KIAA1143: variants seen among roughly 807,000 people sequenced by gnomAD.
The protein encoded by KIAA1143 is KIAA1143.
Under a neutral mutation model 17.0 loss-of-function variants are expected in KIAA1143, and 8 were observed. The observed-to-expected ratio is 0.47, with a 90% CI of 0.28 to 0.85. The LOEUF (loss-of-function observed/expected upper bound fraction) is 0.85, where lower values mean the gene tolerates loss of function less well. Ranked by LOEUF, KIAA1143 falls within the 40% of genes least tolerant of loss-of-function variation. KIAA1143 has a pLI of 0.12. For synonymous variants in KIAA1143, 64 were observed against 67.8 expected (o/e 0.94, Z 0.27); for missense variants, 162 against 183.3 (o/e 0.88, Z 0.67).
chr3:44,753,441 T>C lies in KIAA1143; in HGVS notation c.365A>G (p.Asn122Ser), dbSNP rs774226821. 1.2e-6 allele frequency: 2 copies of C among 1,602,530 alleles called. No homozygotes were observed. The highest frequency in any genetic ancestry group is 1.7e-5 in the Admixed American group (1 of 59,970). Residue 122 changes from asparagine to serine, a missense_variant, in exon 3 of 3, where the codon AAT (asparagine) becomes AGT (serine). Asn to Ser is a conservative substitution (Grantham distance 46). Coordinates refer to ENST00000296121, the MANE Select transcript of KIAA1143 (RefSeq NM_020696.4). ...LTASSKKKKP[N>S]EDEVNQDSVK... ...CGAGTCCTGATTTACTTCATCTTCA[T>C]TTGGCTTCTTCTTTTTTGAGCTTGC...
At chr3:44,756,064 G>C (rs1263654940) in intron 1 of KIAA1143, among the ~76,000 whole-genome samples, 3 of 152,198 alleles carry the variant, frequency 2.0e-5, no homozygotes, top group Non-Finnish European at 4.4e-5. Flanking sequence ...ACCACAAATA[G>C]GTAGTAAGTA....
In KIAA1143 at chr3:44,761,574, ACG is replaced by A. The variant is rs1189687802; in HGVS notation, c.27_28del (p.Val10AlafsTer26). On this transcript the variant is annotated frameshift_variant, in exon 1 of 3. Coordinates refer to ENST00000296121, the MANE Select transcript of KIAA1143 (RefSeq NM_020696.4). LOFTEE classifies it high-confidence loss of function. ...CAGAAACGCCGGCTCGGCTGGCCGCACGTACGATACCTGGTTCCGCTTGCTCA... is the reference window on the plus strand; with the variant it reads ...CAGAAACGCCGGCTCGGCTGGCCGCATACGATACCTGGTTCCGCTTGCTCA... The A allele has an allele frequency of 6.2e-7, 1 of 1,613,568 alleles. No homozygotes were observed. Among genetic ancestry groups the A allele is most frequent in the Admixed American group, 1.7e-5 (1 of 59,966 alleles).
rs1704905318 is a variant in KIAA1143, at chr3:44,752,554, A to G, written c.*787T>C. The G allele has an allele frequency of 6.6e-6, 1 of 152,082 alleles. No individual in the cohort carries two copies. The highest frequency in any genetic ancestry group is 2.4e-5 in the African/African-American group (1 of 41,414). 9.4% of individuals were successfully genotyped at this position (152,082 alleles called of 1,614,324 possible). The stretch of plus-strand genomic sequence containing the variant: ...TCTCACTACCAAGAAGTCAGAGGTC[A>G]GCAATCCAAGCTGGTGTAGCAGCTC... On this transcript the variant is annotated 3_prime_UTR_variant, in exon 3 of 3. Coordinates refer to ENST00000296121, the MANE Select transcript of KIAA1143 (RefSeq NM_020696.4).
At position 44,750,170 on chromosome 3, in the gene KIAA1143, TA is replaced by T. The variant is rs1233158651; in HGVS notation, c.*3170del. 6.6e-6 allele frequency: 1 copy of T among 152,202 alleles called. No individual in the cohort carries two copies. The highest frequency in any genetic ancestry group is 1.5e-5 in the Non-Finnish European group (1 of 68,038). 9.4% of individuals were successfully genotyped at this position (152,202 alleles called of 1,614,324 possible). The stretch of plus-strand genomic sequence containing the variant: ...ATAAATTACATAACTTACAAATTAG[TA>T]AGAAAGATATGACCATACTAATGGA... On this transcript the variant is annotated 3_prime_UTR_variant, in exon 3 of 3. Transcript: ENST00000296121.
chr3:44,760,732 C>T (rs1251710316), intron 1 of KIAA1143, among the ~76,000 whole-genome samples: 2 of 141,862 alleles, frequency 1.4e-5, no homozygotes, highest in African/African-American at 5.3e-5. Context: ...GTTGTCCAGG[C>T]TGGAGTGCAG....
chr3:44,756,336 A>C (rs1056371312), intron 1 of KIAA1143, among the ~76,000 whole-genome samples: 1 of 152,190 alleles, frequency 6.6e-6, no homozygotes, highest in Admixed American at 6.5e-5. Flanking sequence ...CTAGGCAGGC[A>C]GATCACTTGA....
At chr3:44,760,170 T>C (rs76528762) in intron 1 of KIAA1143, among the ~76,000 whole-genome samples, 179 of 152,314 alleles carry the variant, frequency 1.2e-3, no homozygotes, top group African/African-American at 4.0e-3. Flanking sequence ...TTGCTCTAGA[T>C]TAGGCTTTGG....
chr3:44,756,634 TG>T (rs1209872164), intron 1 of KIAA1143, among the ~76,000 whole-genome samples: 2 of 152,236 alleles, frequency 1.3e-5, no homozygotes, highest in Non-Finnish European at 2.9e-5. Context: ...CATTTCTTTT[TG>T]TTAATAGATG....
chr3:44,756,558 G>A (rs926899003), intron 1 of KIAA1143, among the ~76,000 whole-genome samples: 7 of 152,058 alleles, frequency 4.6e-5, no homozygotes, highest in Non-Finnish European at 8.8e-5. Flanking sequence ...GAAAGACTCC[G>A]CCTCAAAAAA....
chr3:44,760,137 C>T (rs1031765156), intron 1 of KIAA1143, among the ~76,000 whole-genome samples: 1 of 152,178 alleles, frequency 6.6e-6, no homozygotes, highest in Non-Finnish European at 1.5e-5. Context: ...TCTCAGACTT[C>T]ACAGGATTTA....
Position 44,761,572 on chromosome 3 carries a change from G to A in KIAA1143, c.31C>T (p.Arg11Trp), listed in dbSNP as rs768987702. ...GCCAGAAACGCCGGCTCGGCTGGCC[G>A]CACGTACGATACCTGGTTCCGCTTG... MSKRNQVSYV[R>W]PAEPAFLARF... Residue 11 changes from arginine (R) to tryptophan (W), a missense_variant, in exon 1 of 3, where the codon CGG (arginine) becomes TGG (tryptophan). By Grantham distance (101) the Arg-to-Trp change is moderately radical. Coordinates refer to ENST00000296121, the MANE Select transcript of KIAA1143 (RefSeq NM_020696.4). 2.5e-6 allele frequency: 4 copies of A among 1,613,752 alleles called. No individual in the cohort carries two copies. The highest frequency in any genetic ancestry group is 3.3e-5 in the Admixed American group (2 of 59,974).
At position 44,749,442 on chromosome 3, in the gene KIAA1143, A is replaced by G. The variant is rs1228493467; in HGVS notation, c.*3899T>C. On this transcript the variant is annotated 3_prime_UTR_variant, in exon 3 of 3. Transcript: ENST00000296121. ...AAGATAATGTGGCACCAAATTTGTA[A>G]GATACTTTGAAATTCATAATTTCAG... The G allele has an allele frequency of 1.3e-5, 2 of 152,218 alleles. No homozygotes were observed. Among genetic ancestry groups the G allele is most frequent in the Non-Finnish European group, 2.9e-5 (2 of 68,054 alleles). The allele number at this position is 152,218 out of a possible 1,614,324, so 9.4% of individuals were successfully genotyped here.
In KIAA1143 at chr3:44,753,424, G is replaced by T. The variant is rs531778934; in HGVS notation, c.382C>A (p.Gln128Lys). Residue 128 changes from glutamine (Q) to lysine (K), a missense_variant, in exon 3 of 3, where the codon CAG (glutamine) becomes AAG (lysine). Around this residue, in one of 2 missense-constraint regions of KIAA1143, gnomAD observed 25 missense variants for 50.8 expected, o/e 0.49. Transcript: ENST00000296121. ...KKKPNEDEVN[Q>K]DSVKKNSQKQ... ...TGTGAGTTCTTTTTGACCGAGTCCT[G>T]ATTTACTTCATCTTCATTTGGCTTC... is the stretch of plus-strand genomic sequence containing the variant. 6.3e-7 allele frequency: 1 copy of T among 1,594,896 alleles called. No individual in the cohort carries two copies. Among genetic ancestry groups the T allele is most frequent in the South Asian group, 1.1e-5 (1 of 90,660 alleles).
chr3:44,760,686 C>CCTTCTCTATA (rs1443969159), intron 1 of KIAA1143, among the ~76,000 whole-genome samples: 1 of 139,142 alleles, frequency 7.2e-6, no homozygotes, highest in African/African-American at 2.7e-5. Context: ...CCAGGCCCGG[C>CCTTCTCTATA]TTTTTTTTTT....
At chr3:44,754,392 G>A (rs774586566) in intron 1 of KIAA1143, 24 bp from the exon 2 acceptor site, 6 of 1,608,350 alleles carry the variant, frequency 3.7e-6, no homozygotes, top group Non-Finnish European at 5.1e-6. Flanking sequence ...CAAATACAAT[G>A]TGTAGATCAC....
chr3:44,760,095 T>G (rs1019806248), intron 1 of KIAA1143, among the ~76,000 whole-genome samples: 8 of 152,108 alleles, frequency 5.3e-5, no homozygotes, highest in Non-Finnish European at 8.8e-5. Flanking sequence ...CTCTGTTAGC[T>G]TCACACTTTT....
At position 44,756,462 on chromosome 3, in the gene KIAA1143, C is replaced by T. The variant is rs1300803156; in HGVS notation, c.109-2094G>A. 2.0e-5 allele frequency among the ~76,000 whole-genome samples: 3 copies of T among 152,148 alleles called. No homozygotes were observed. The East Asian group carries it at 5.8e-4, about 29-fold the overall frequency. ...CCTGTAATCCCACCTACTTGGGTGG[C>T]TGAGGCAGGAGAATTGCTTGAACCC... is the stretch of plus-strand genomic sequence containing the variant. On this transcript the variant is annotated intron_variant, in intron 1 of 2. Transcript: ENST00000296121.
Position 44,754,302 on chromosome 3 carries a change from C to A in KIAA1143, c.175G>T (p.Val59Leu), listed in dbSNP as rs756905261. The A allele has an allele frequency of 3.7e-6, 6 of 1,614,058 alleles. No homozygotes were observed. Among genetic ancestry groups the A allele is most frequent in the Non-Finnish European group, 4.2e-6 (5 of 1,179,894 alleles). ...HSDKEDEQPQ[V>L]VVLKKGDLSV... Reference sequence around the variant, plus strand: ...AGGTCTCCCTTTTTTAAAACCACCACTTGAGGCTGTTCATCTTCTTTGTCA... The same window carrying A: ...AGGTCTCCCTTTTTTAAAACCACCAATTGAGGCTGTTCATCTTCTTTGTCA... Residue 59 changes from valine (V) to leucine (L), a missense_variant, in exon 2 of 3, where the codon GTG (valine) becomes TTG (leucine). Val to Leu is a conservative substitution (Grantham distance 32, BLOSUM62 1). Coordinates refer to ENST00000296121, the MANE Select transcript of KIAA1143 (RefSeq NM_020696.4).
rs1242793275 is a variant in KIAA1143, at chr3:44,748,757, T to G, written c.*4584A>C. The stretch of plus-strand genomic sequence containing the variant: ...ACAACACTCTCATTCATTTTAACTA[T>G]GTTTATTGTGCACTTAGTAGGCCAG... On this transcript the variant is annotated 3_prime_UTR_variant, in exon 3 of 3. Transcript: ENST00000296121. 1 of 152,268 alleles carries G rather than the reference T, an allele frequency of 6.6e-6. No homozygotes were observed. The highest frequency in any genetic ancestry group is 1.5e-5 in the Non-Finnish European group (1 of 68,050). 9.4% of individuals were successfully genotyped at this position (152,268 alleles called of 1,614,324 possible). A position where few individuals can be genotyped will look rare whatever the true frequency, so the allele number is the denominator to read the frequency against.
Sources: gnomAD v4.1 joint callset for allele counts (sites outside exome capture counted in the v4.1 genomes callset) on GRCh38, gnomAD v4.1.1 for gene constraint, gnomAD v4.1.1 regional missense constraint, MANE v1.5 for transcripts, NCBI Gene and HGNC (gene_info 2026-07-23, HGNC 2026-07-21) for gene names.